The following BDNF variants were observed in gnomAD, a reference collection of about 807,000 sequenced individuals.
BDNF encodes the protein brain derived neurotrophic factor.
BDNF carries 1 observed loss-of-function variant against 19.5 expected under a neutral mutation model. The observed-to-expected ratio is 0.05, with a 90% confidence interval of 0.02 to 0.24. The LOEUF (loss-of-function observed/expected upper bound fraction) is 0.24. Ranked by LOEUF, BDNF falls within the 10% of genes least tolerant of loss-of-function variation. BDNF has a pLI of 1.00. For synonymous variants in BDNF, 100 were observed against 121.6 expected (o/e 0.82, Z 1.17); for missense variants, 195 against 317.6 (o/e 0.61, Z 2.93).
intron 1 of BDNF, among the ~76,000 whole-genome samples, chr11:27,714,093 G>A (rs1860432462): frequency 6.6e-6 from 1 of 152,224 alleles, no homozygotes; most frequent in Admixed American, 6.5e-5. Context: ...GGGCAATCAT[G>A]TCTAGTGTGG....
intron 1 of BDNF, among the ~76,000 whole-genome samples, chr11:27,671,678 T>A (rs2133895398): frequency 6.6e-6 from 1 of 152,252 alleles, no homozygotes; most frequent in East Asian, 1.9e-4. Context: ...AATGTACATA[T>A]GGGATAAACT....
intron 1 of BDNF, among the ~76,000 whole-genome samples, chr11:27,715,395 G>A (rs1860473759): frequency 6.6e-6 from 1 of 152,162 alleles, no homozygotes; most frequent in South Asian, 2.1e-4. Flanking sequence ...TAAAGGTAAT[G>A]TACATCTTGG....
Position 27,656,543 on chromosome 11 carries a change from A to T in BDNF, c.*1278T>A, listed in dbSNP as rs2133770270. 8 of 985,678 alleles carry T rather than the reference A, an allele frequency of 8.1e-6. No individual in the cohort carries two copies. The highest frequency in any genetic ancestry group is 9.6e-6 in the Non-Finnish European group (8 of 829,870). The allele number at this position is 985,678 out of a possible 1,614,324, so 61.1% of individuals were successfully genotyped here. A position where few individuals can be genotyped will look rare whatever the true frequency, so the allele number is the denominator to read the frequency against. On this transcript the variant is annotated 3_prime_UTR_variant, in exon 2 of 2. Transcript: ENST00000356660. ...CCTCCACCTAGACCTTGGGATGGCC[A>T]CTCAGAAATTCCTCCCGCACTGCCG...
Position 27,679,547 on chromosome 11 carries a change from G to C in BDNF, c.-22+20617C>G, listed in dbSNP as rs910940577. On this transcript the variant is annotated intron_variant, in intron 1 of 1. Transcript: ENST00000356660. The stretch of plus-strand genomic sequence containing the variant: ...TAGACTTGCTAAGTGATTGCCCCAA[G>C]TTTAAACTGTCACTGATTTGCAAGT... Among the ~76,000 whole-genome samples the C allele has an allele frequency of 6.6e-5, 10 of 152,124 alleles. No homozygotes were observed. In the South Asian group the frequency reaches 1.4e-3, roughly 22 times the overall value.
intron 1 of BDNF, chr11:27,659,029 G>A (rs897795987): frequency 2.5e-4 from 266 of 1,074,020 alleles, no homozygotes; most frequent in Non-Finnish European, 3.0e-4. Flanking sequence ...TTGCAGGAAT[G>A]TGTGACAGGA....
At chr11:27,699,292 G>GC in intron 1 of BDNF, 1 of 1,546,732 alleles carries the variant, frequency 6.5e-7, no homozygotes, top group South Asian at 1.1e-5. Flanking sequence ...CCTTAGGGAT[G>GC]CCCCTAGTCT....
Position 27,700,181 on chromosome 11 carries a change from C to T in BDNF, c.-39G>A, listed in dbSNP as rs1859739178. On this transcript the variant is annotated 5_prime_UTR_variant, in exon 1 of 2. Coordinates refer to ENST00000356660, the MANE Select transcript of BDNF (RefSeq NM_001709.5). ...TTGCCTACCTCGGGGTCCACACAAA[C>T]CTCACGGGTCCCCGGCGGCGGAGTC... 5 of 985,770 alleles carry T rather than the reference C, an allele frequency of 5.1e-6. No individual in the cohort carries two copies. The South Asian group carries it at 1.9e-4, about 37-fold the overall frequency. 61.1% of individuals were successfully genotyped at this position (985,770 alleles called of 1,614,324 possible). A position where few individuals can be genotyped will look rare whatever the true frequency, so the allele number is the denominator to read the frequency against.
chr11:27,673,743 A>G (rs1335769927), intron 1 of BDNF, among the ~76,000 whole-genome samples: 2 of 152,196 alleles, frequency 1.3e-5, no homozygotes, highest in Admixed American at 6.5e-5. Flanking sequence ...TAGAAAGAGT[A>G]TCTGTACATA....
At position 27,658,470 on chromosome 11, in the gene BDNF, A is replaced by C; in HGVS notation, c.95T>G (p.Leu32Trp). The change falls in exon 2 of 2, where the codon TTG becomes TGG. Residue 32 changes from leucine to tryptophan, a missense_variant. By Grantham distance (61) the Leu-to-Trp change is moderately conservative. Transcript: ENST00000356660. This position sits in a 1 kb window ranked among gnomAD's most constrained non-coding sequence, Gnocchi z 5.7. The part of the protein sequence containing the change: ...KEANIRGQGG[L>W]AYPGVRTHGT... ...ATGGGTCCGCACACCTGGGTAGGCC[A>C]AGCCACCTTGTCCTCGGATGTTTGC... The C allele has an allele frequency of 6.2e-7, 1 of 1,614,142 alleles. No homozygotes were observed. The highest frequency in any genetic ancestry group is 8.5e-7 in the Non-Finnish European group (1 of 1,180,022).
intron 1 of BDNF, among the ~76,000 whole-genome samples, chr11:27,691,302 C>T (rs1046303990): frequency 5.3e-5 from 8 of 152,006 alleles, no homozygotes; most frequent in Admixed American, 4.6e-4. Context: ...ATGAGAGAGT[C>T]AATGGAGAGC....
intron 1 of BDNF, among the ~76,000 whole-genome samples, chr11:27,714,092 T>C (rs1415731064): frequency 2.0e-5 from 3 of 152,222 alleles, no homozygotes; most frequent in Admixed American, 2.0e-4. Flanking sequence ...AGGGCAATCA[T>C]GTCTAGTGTG....
chr11:27,675,461 G>A (rs1165618853), intron 1 of BDNF: 3 of 152,094 alleles, frequency 2.0e-5, no homozygotes, highest in Non-Finnish European at 2.9e-5. Context: ...ACCAGCAACC[G>A]CGACTACCAA....
At chr11:27,663,199 CTCTT>C (rs1853746957) in intron 1 of BDNF, among the ~76,000 whole-genome samples, 1 of 152,196 alleles carries the variant, frequency 6.6e-6, no homozygotes. Flanking sequence ...CTTCGGATGA[CTCTT>C]TATCACACAT....
intron 1 of BDNF, among the ~76,000 whole-genome samples, chr11:27,719,065 C>T (rs1860641991): frequency 6.6e-6 from 1 of 152,168 alleles, no homozygotes; most frequent in African/African-American, 2.4e-5. Context: ...GCGCCTAAGT[C>T]CCTGAGCTCC....
chr11:27,721,742 T>A (rs1860742694), exon 1 of BDNF: 1 of 447,164 alleles, frequency 2.2e-6, no homozygotes. Context: ...AGGTTACCAA[T>A]GATTGCCCAA....
intron 1 of BDNF, among the ~76,000 whole-genome samples, chr11:27,673,822 T>C (rs1855721617): frequency 6.6e-6 from 1 of 151,924 alleles, no homozygotes; most frequent in Non-Finnish European, 1.5e-5. Flanking sequence ...AAAATGAAAA[T>C]GAGATGAATA....
chr11:27,706,600 T>C (rs773983753), intron 1 of BDNF, among the ~76,000 whole-genome samples: 5 of 152,216 alleles, frequency 3.3e-5, no homozygotes, highest in African/African-American at 4.8e-5. Context: ...AAACTCCAAC[T>C]TTCAACCCAT....
intron 1 of BDNF, among the ~76,000 whole-genome samples, chr11:27,662,458 T>C (rs1019932212): frequency 6.6e-6 from 1 of 152,170 alleles, no homozygotes; most frequent in Non-Finnish European, 1.5e-5. Context: ...CCATTGAAAT[T>C]CTCAGGTAAA....
chr11:27,657,401 ATACT>A lies in BDNF; in HGVS notation c.*416_*419del, dbSNP rs771021204. 4.1e-5 allele frequency: 42 copies of A among 1,036,862 alleles called. No homozygotes were observed. In the Admixed American group the frequency reaches 9.6e-4, roughly 24 times the overall value. The allele number at this position is 1,036,862 out of a possible 1,614,324, so 64.2% of individuals were successfully genotyped here. ...AGATATAGTACTAACAAGAACGAAG[ATACT>A]TACTGTCTAAAATGTAAACGGAATG... On this transcript the variant is annotated 3_prime_UTR_variant, in exon 2 of 2. Transcript: ENST00000356660. The surrounding 1 kb of genome is among the most constrained non-coding windows in gnomAD (Gnocchi z 5.0).
Sources: gnomAD v4.1 joint callset for allele counts (sites outside exome capture counted in the v4.1 genomes callset) on GRCh38, gnomAD v4.1.1 for gene constraint, Gnocchi (gnomAD v3.1) non-coding constraint, MANE v1.5 for transcripts, NCBI Gene and HGNC (gene_info 2026-07-23, HGNC 2026-07-21) for gene names.